PLCB1: variants seen among roughly 807,000 people sequenced by gnomAD.
PLCB1 encodes phospholipase C beta 1, also known as 1-phosphatidylinositol 4,5-bisphosphate phosphodiesterase beta-1.
In PLCB1, 46 loss-of-function variants were observed where a neutral mutation model predicts 161.8. That is an observed-to-expected ratio of 0.28 (90% CI 0.22 to 0.36). The LOEUF is 0.36. Ranked by LOEUF, PLCB1 falls within the 10% of genes least tolerant of loss-of-function variation. PLCB1 has a pLI of 1.00. For synonymous variants in PLCB1, 517 were observed against 503.7 expected (o/e 1.03, Z -0.35); for missense variants, 1,016 against 1,472.5 (o/e 0.69, Z 5.07).
At chr20:8,743,263 A>C (rs1980975723) in intron 23 of PLCB1, among the ~76,000 whole-genome samples, 1 of 152,210 alleles carries the variant, frequency 6.6e-6, no homozygotes, top group East Asian at 1.9e-4. Context: ...TTTTATCAGA[A>C]GGGATGTTGA....
intron 3 of PLCB1, among the ~76,000 whole-genome samples, chr20:8,626,502 G>GTAAAA (rs1988352997): frequency 6.6e-6 from 1 of 152,092 alleles, no homozygotes; most frequent in African/African-American, 2.4e-5. Flanking sequence ...GAATTAGGCA[G>GTAAAA]TAAAATAATG....
At chr20:8,423,108 T>G (rs1269501531) in intron 3 of PLCB1, among the ~76,000 whole-genome samples, 2 of 152,204 alleles carry the variant, frequency 1.3e-5, no homozygotes, top group Non-Finnish European at 2.9e-5. Context: ...AGTTTTATTT[T>G]TTTACAGCAC....
intron 2 of PLCB1, among the ~76,000 whole-genome samples, chr20:8,156,908 T>A (rs1394464532): frequency 6.6e-6 from 1 of 152,200 alleles, no homozygotes; most frequent in Non-Finnish European, 1.5e-5. Context: ...CAAACAATTG[T>A]CCATAAGTAT....
chr20:8,706,312 A>G (rs527469270), intron 11 of PLCB1, among the ~76,000 whole-genome samples: 1 of 152,312 alleles, frequency 6.6e-6, no homozygotes, highest in Non-Finnish European at 1.5e-5. Context: ...TATGGTCAAC[A>G]GGGTGTGTAG....
intron 31 of PLCB1, among the ~76,000 whole-genome samples, chr20:8,840,731 C>A (rs1266963473): frequency 2.0e-5 from 3 of 152,148 alleles, no homozygotes; most frequent in African/African-American, 7.2e-5. Flanking sequence ...CCCTTTAAGA[C>A]CGAATCTCAT....
chr20:8,244,781 C>T (rs1980796254), intron 2 of PLCB1, among the ~76,000 whole-genome samples: 1 of 151,774 alleles, frequency 6.6e-6, no homozygotes, highest in Non-Finnish European at 1.5e-5. Context: ...TTATTTTCTC[C>T]TTTCCAATTC....
chr20:8,838,102 C>T (rs1203076198), intron 31 of PLCB1, among the ~76,000 whole-genome samples: 1 of 151,690 alleles, frequency 6.6e-6, no homozygotes, highest in Non-Finnish European at 1.5e-5. Flanking sequence ...TTACCTGAAT[C>T]ATGAAAGCAT....
At chr20:8,539,206 C>T (rs1240583513) in intron 3 of PLCB1, among the ~76,000 whole-genome samples, 1 of 152,162 alleles carries the variant, frequency 6.6e-6, no homozygotes, top group African/African-American at 2.4e-5. Flanking sequence ...AGGATTAATA[C>T]AGAACAATTT....
chr20:8,342,955 A>C (rs1985867218), intron 2 of PLCB1, among the ~76,000 whole-genome samples: 2 of 152,174 alleles, frequency 1.3e-5, no homozygotes, highest in Admixed American at 6.5e-5. Context: ...AATCCCATCC[A>C]CATGGATATC....
At chr20:8,347,276 T>C (rs937050208) in intron 2 of PLCB1, among the ~76,000 whole-genome samples, 2 of 152,038 alleles carry the variant, frequency 1.3e-5, no homozygotes, top group African/African-American at 4.8e-5. Flanking sequence ...AGTTCTAGAG[T>C]TTATAGTGGA....
intron 3 of PLCB1, among the ~76,000 whole-genome samples, chr20:8,585,612 C>T (rs537897092): frequency 6.6e-6 from 1 of 152,138 alleles, no homozygotes; most frequent in Non-Finnish European, 1.5e-5. Flanking sequence ...GTTTTTACCC[C>T]TCTTGACGTG....
chr20:8,371,217 C>T (rs1986893528), intron 2 of PLCB1, 165 bp from the exon 3 acceptor site: 1 of 536,536 alleles, frequency 1.9e-6, no homozygotes, highest in Admixed American at 3.6e-5. Flanking sequence ...CTTTTGTTTC[C>T]AACCTAATTC....
At chr20:8,789,419 A>G in intron 29 of PLCB1, 99 bp from the exon 30 acceptor site, 1 of 802,536 alleles carries the variant, frequency 1.2e-6, no homozygotes, top group South Asian at 1.5e-5. Context: ...AAGAAAAAGA[A>G]TGTTGAGAGT....
At chr20:8,459,146 C>A (rs531545378) in intron 3 of PLCB1, among the ~76,000 whole-genome samples, 1 of 152,138 alleles carries the variant, frequency 6.6e-6, no homozygotes, top group African/African-American at 2.4e-5. Context: ...TAACATGAAC[C>A]GAGAAACACT....
chr20:8,753,022 G>A (rs186110620), intron 23 of PLCB1, among the ~76,000 whole-genome samples: 2 of 152,048 alleles, frequency 1.3e-5, no homozygotes, highest in East Asian at 3.9e-4. Flanking sequence ...TAGATCAGTA[G>A]TGGCATTAGA....
At chr20:8,789,858 A>G (rs762492264) in intron 30 of PLCB1, among the ~76,000 whole-genome samples, 2 of 152,176 alleles carry the variant, frequency 1.3e-5, no homozygotes, top group Non-Finnish European at 1.5e-5. Flanking sequence ...AGAACCTTTA[A>G]TTGTCATCAA....
At chr20:8,850,378 C>G (rs1456774393) in intron 31 of PLCB1, among the ~76,000 whole-genome samples, 1 of 152,122 alleles carries the variant, frequency 6.6e-6, no homozygotes. Flanking sequence ...AGAGGAACAT[C>G]CAGAGTCAAA....
chr20:8,880,379 G>T (rs1030940254), intron 31 of PLCB1, among the ~76,000 whole-genome samples: 6 of 152,026 alleles, frequency 3.9e-5, no homozygotes, highest in African/African-American at 1.4e-4. Context: ...AGACATCCAC[G>T]TAAGTCTCCA....
chr20:8,366,519 C>T (rs1427862578), intron 2 of PLCB1, among the ~76,000 whole-genome samples: 2 of 152,188 alleles, frequency 1.3e-5, no homozygotes, highest in African/African-American at 4.8e-5. Context: ...AGATAAAAGT[C>T]CAAGGTCTTT....
Sources: allele counts gnomAD v4.1 joint callset (sites outside exome capture counted in the v4.1 genomes callset), GRCh38; gene constraint gnomAD v4.1.1; transcripts MANE v1.5; gene names NCBI Gene and HGNC (gene_info 2026-07-23, HGNC 2026-07-21).